The following IPO11 variants were observed in gnomAD, a reference collection of about 807,000 sequenced individuals.
The protein encoded by IPO11 is importin 11, also known as importin-11.
Under a neutral mutation model 143.2 loss-of-function variants are expected in IPO11, and 66 were observed. That is an observed-to-expected ratio of 0.46 (90% CI 0.38 to 0.57). IPO11 has a LOEUF of 0.57. IPO11 is among the 20% of genes least tolerant of loss of function. The pLI is 0.00. For synonymous variants in IPO11, 385 were observed against 377.8 expected, an observed-to-expected ratio of 1.02 and a Z score of -0.22; for missense variants, 1,026 against 1,141.0, an observed-to-expected ratio of 0.90 and a Z score of 1.45.
At chr5:62,484,587 T>G (rs1746329749) in intron 11 of IPO11, among the ~76,000 whole-genome samples, 1 of 151,206 alleles carries the variant, frequency 6.6e-6, no homozygotes, top group Admixed American at 6.6e-5. Context: ...TCTTTATATC[T>G]GTTTGAATTT....
At chr5:62,504,724 T>G (rs1462294958) in intron 17 of IPO11, 24 bp downstream of exon 17, 2 of 1,463,868 alleles carry the variant, frequency 1.4e-6, no homozygotes, top group South Asian at 2.6e-5. Context: ...AATTTAAAAA[T>G]ACTTCATTGC....
intron 9 of IPO11, among the ~76,000 whole-genome samples, chr5:62,477,784 G>A (rs540413102): frequency 3.3e-5 from 5 of 152,302 alleles, no homozygotes; most frequent in East Asian, 3.9e-4. Context: ...TTAGCTGTGA[G>A]ATTTTTCAGT....
intron 3 of IPO11, among the ~76,000 whole-genome samples, chr5:62,445,163 A>T (rs1744675329): frequency 6.6e-6 from 1 of 152,076 alleles, no homozygotes; most frequent in South Asian, 2.1e-4. Context: ...TTATAAACTT[A>T]AGACTTTTTA....
chr5:62,570,308 C>A (rs568891294), intron 27 of IPO11, among the ~76,000 whole-genome samples: 1 of 152,138 alleles, frequency 6.6e-6, no homozygotes, highest in African/African-American at 2.4e-5. Context: ...CCCCTCTCCA[C>A]TCCCCCCAAA....
chr5:62,428,981 G>A (rs1031565565), intron 1 of IPO11, among the ~76,000 whole-genome samples: 1 of 152,078 alleles, frequency 6.6e-6, no homozygotes, highest in Admixed American at 6.6e-5. Context: ...TGTGGATTTT[G>A]ACATTTACAT....
At chr5:62,478,200 C>CT (rs1746034842) in intron 9 of IPO11, among the ~76,000 whole-genome samples, 2 of 152,146 alleles carry the variant, frequency 1.3e-5, no homozygotes, top group African/African-American at 4.8e-5. Context: ...GGGTCTGACT[C>CT]TGTCACCCAC....
intron 3 of IPO11, among the ~76,000 whole-genome samples, chr5:62,448,604 G>T (rs996943727): frequency 6.6e-6 from 1 of 152,122 alleles, no homozygotes; most frequent in African/African-American, 2.4e-5. Flanking sequence ...AGGCTGGAAT[G>T]CAGTGGCACA....
chr5:62,457,628 G>A (rs1046431389), intron 5 of IPO11, among the ~76,000 whole-genome samples: 1 of 152,166 alleles, frequency 6.6e-6, no homozygotes, highest in African/African-American at 2.4e-5. Flanking sequence ...AAGGAGAACT[G>A]CATAGCTGCT....
At chr5:62,425,234 C>CA (rs1176297957) in intron 1 of IPO11, among the ~76,000 whole-genome samples, 5 of 152,194 alleles carry the variant, frequency 3.3e-5, no homozygotes, top group Non-Finnish European at 7.3e-5. Flanking sequence ...TCGCTTCCTC[C>CA]AACCCTCCTT....
chr5:62,519,628 C>T (rs2112293993), intron 20 of IPO11, among the ~76,000 whole-genome samples: 1 of 152,272 alleles, frequency 6.6e-6, no homozygotes, highest in East Asian at 1.9e-4. Context: ...CCAACCTCCA[C>T]CCTTGTATTA....
At position 62,443,786 on chromosome 5, in the gene IPO11, G is replaced by A. The variant is rs544218089; in HGVS notation, c.239+703G>A. Reference sequence around the variant, plus strand: ...GTATTCAGTTATAACTGCTATGTACGTGGTTAACAGATTTAGTAGTTAATT... The same window carrying A: ...GTATTCAGTTATAACTGCTATGTACATGGTTAACAGATTTAGTAGTTAATT... On this transcript the variant is annotated intron_variant, in intron 3 of 29. Coordinates refer to ENST00000325324, the MANE Select transcript of IPO11 (RefSeq NM_016338.5). 1.6e-3 allele frequency among the ~76,000 whole-genome samples: 250 copies of A among 152,224 alleles called. 1 individual carries two copies. Among genetic ancestry groups the A allele is most frequent in the Middle Eastern group, 3.4e-3 (1 of 294 alleles).
chr5:62,548,283 A>G (rs919938159), intron 24 of IPO11, among the ~76,000 whole-genome samples: 4 of 152,198 alleles, frequency 2.6e-5, no homozygotes, highest in Non-Finnish European at 5.9e-5. Context: ...ACTGTCTGAC[A>G]GATGTCCAAT....
chr5:62,585,627 G>C (rs1744745213), intron 27 of IPO11, among the ~76,000 whole-genome samples: 1 of 152,082 alleles, frequency 6.6e-6, no homozygotes. Flanking sequence ...ATAAACTTTT[G>C]CTTTAAAGCA....
chr5:62,608,029 G>A (rs1346671566), intron 29 of IPO11, among the ~76,000 whole-genome samples: 3 of 152,094 alleles, frequency 2.0e-5, no homozygotes, highest in African/African-American at 7.2e-5. Flanking sequence ...ATGTTGGCCA[G>A]GCTGTTCCTG....
intron 28 of IPO11, among the ~76,000 whole-genome samples, chr5:62,592,656 C>T (rs1265063651): frequency 6.6e-6 from 1 of 152,068 alleles, no homozygotes; most frequent in Non-Finnish European, 1.5e-5. Flanking sequence ...CTCACAGTTT[C>T]GCAGGGCTGG....
At chr5:62,521,828 A>G (rs1305361332) in intron 20 of IPO11, among the ~76,000 whole-genome samples, 2 of 150,616 alleles carry the variant, frequency 1.3e-5, no homozygotes, top group African/African-American at 4.9e-5. Context: ...TTTTCTGGTG[A>G]CATGTTTTAA....
chr5:62,446,397 T>C (rs1186287731), intron 3 of IPO11, among the ~76,000 whole-genome samples: 2 of 152,232 alleles, frequency 1.3e-5, no homozygotes, highest in Non-Finnish European at 2.9e-5. Context: ...TGTACGAGGT[T>C]GCACTTCCAC....
At chr5:62,449,625 A>G (rs945794455) in intron 3 of IPO11, 6 of 196,492 alleles carry the variant, frequency 3.1e-5, no homozygotes, top group Non-Finnish European at 5.1e-5. Flanking sequence ...GGTGCTTCCC[A>G]TTTATTCAAT....
chr5:62,483,216 G>T lies in IPO11; in HGVS notation c.944G>T (p.Arg315Leu), dbSNP rs372233722. Residue 315 changes from arginine (R) to leucine (L), a missense_variant, in exon 10 of 30, where the codon CGA (arginine) becomes CTA (leucine). Around this residue, in one of 5 missense-constraint regions of IPO11, gnomAD observed 429 missense variants for 456.3 expected, o/e 0.94. Coordinates refer to ENST00000325324, the MANE Select transcript of IPO11 (RefSeq NM_016338.5). ...TEVGEGVTFE[R>L]FIVQCMNLIK... ...GTTGGTGAAGGCGTTACATTTGAAC[G>T]ATTCATTGTCCAATGTATGAATCTT... 147 of 1,610,618 alleles carry T rather than the reference G, an allele frequency of 9.1e-5. No homozygotes were observed. The highest frequency in any genetic ancestry group is 1.7e-4 in the Admixed American group (10 of 59,874).
Sources: allele counts gnomAD v4.1 joint callset (sites outside exome capture counted in the v4.1 genomes callset), GRCh38; gene constraint gnomAD v4.1.1; regional missense constraint gnomAD v4.1.1; transcripts MANE v1.5; gene names NCBI Gene and HGNC (gene_info 2026-07-23, HGNC 2026-07-21).